Variants in RANBP2 observed in about 807,000 individuals in gnomAD.
RANBP2 encodes the protein E3 SUMO-protein ligase RanBP2.
RANBP2 carries 57 observed loss-of-function variants against 303.6 expected under a neutral mutation model. The ratio of observed to expected loss-of-function variants is 0.19; its 90% CI spans 0.15 to 0.23. The LOEUF (loss-of-function observed/expected upper bound fraction) is 0.23, where lower values mean the gene tolerates loss of function less well. Among genes scored for constraint, RANBP2 ranks in the 10% least tolerant of loss-of-function variants. The pLI is 1.00. For synonymous variants in RANBP2, 1,167 were observed against 1,301.5 expected (o/e 0.90, Z 2.23); for missense variants, 3,138 against 3,780.8 (o/e 0.83, Z 4.46).
At chr2:108,724,795 C>T (rs1360125813) in intron 1 of RANBP2, among the ~76,000 whole-genome samples, 2 of 151,650 alleles carry the variant, frequency 1.3e-5, no homozygotes, top group Non-Finnish European at 2.9e-5. Flanking sequence ...TAGACTTTTC[C>T]TCATTGTCCT....
the RANBP2 span, among the ~76,000 whole-genome samples, chr2:109,125,805 A>G: frequency 6.6e-6 from 1 of 152,250 alleles, no homozygotes; most frequent in South Asian, 2.1e-4. Flanking sequence ...ATAAGACTGT[A>G]TTTGTAATAC....
chr2:109,213,778 C>CTGTGG, the RANBP2 span, among the ~76,000 whole-genome samples: 6 of 152,220 alleles, frequency 3.9e-5, no homozygotes, highest in South Asian at 4.1e-4. Context: ...CGTGGTCTCA[C>CTGTGG]TGTGGTGTGG....
chr2:109,639,476 G>A, the RANBP2 span, among the ~76,000 whole-genome samples: 1 of 151,884 alleles, frequency 6.6e-6, no homozygotes, highest in African/African-American at 2.4e-5. Context: ...AAAATCAGCT[G>A]GGTGTGGTGA....
chr2:109,650,666 G>GT, the RANBP2 span, among the ~76,000 whole-genome samples: 1 of 152,116 alleles, frequency 6.6e-6, no homozygotes, highest in African/African-American at 2.4e-5. Flanking sequence ...AGCTTCCTCC[G>GT]TGCTGTTCTT....
chr2:108,728,040 T>C (rs1426856773), intron 1 of RANBP2, among the ~76,000 whole-genome samples: 4 of 152,182 alleles, frequency 2.6e-5, no homozygotes, highest in Admixed American at 2.6e-4. Flanking sequence ...ATCTGATCTG[T>C]AGAGAGAACA....
chr2:109,515,303 G>A, the RANBP2 span, among the ~76,000 whole-genome samples: 1 of 152,194 alleles, frequency 6.6e-6, no homozygotes, highest in South Asian at 2.1e-4. Flanking sequence ...GTTGAGGAGG[G>A]AGGGCCTACA....
the RANBP2 span, among the ~76,000 whole-genome samples, chr2:109,170,239 T>C: frequency 0.012 from 1,573 of 133,196 alleles, 55 homozygotes; most frequent in African/African-American, 0.041. Flanking sequence ...CTTCTCTTCT[T>C]TTCTTTTCTC....
At chr2:109,727,461 G>A in the RANBP2 span, among the ~76,000 whole-genome samples, 29 of 152,314 alleles carry the variant, frequency 1.9e-4, no homozygotes, top group African/African-American at 6.0e-4. Flanking sequence ...AGCCGAGTCC[G>A]TATCCTGGAA....
chr2:109,651,282 T>C, the RANBP2 span, among the ~76,000 whole-genome samples: 1 of 152,158 alleles, frequency 6.6e-6, no homozygotes. Context: ...GCTCATGGCA[T>C]CCTGTAGGGC....
At chr2:109,545,052 T>A in the RANBP2 span, 1 of 985,422 alleles carries the variant, frequency 1.0e-6, no homozygotes, top group Non-Finnish European at 1.2e-6. Context: ...GGTTATGTTT[T>A]CCTATTTTAA....
the RANBP2 span, among the ~76,000 whole-genome samples, chr2:109,118,054 C>T: frequency 6.6e-6 from 1 of 152,176 alleles, no homozygotes; most frequent in East Asian, 1.9e-4. Context: ...ATAATGGCGT[C>T]TGGTGAAGAT....
chr2:109,181,586 A>G, the RANBP2 span, among the ~76,000 whole-genome samples: 1 of 152,110 alleles, frequency 6.6e-6, no homozygotes, highest in Non-Finnish European at 1.5e-5. Context: ...ATTCCTCTTT[A>G]TTAAAAGTTA....
At chr2:109,538,040 C>A in the RANBP2 span, among the ~76,000 whole-genome samples, 2 of 152,236 alleles carry the variant, frequency 1.3e-5, no homozygotes, top group African/African-American at 4.8e-5. Flanking sequence ...TCACGCCTCA[C>A]TGGGCTAAAG....
the RANBP2 span, among the ~76,000 whole-genome samples, chr2:109,252,644 G>C: frequency 6.6e-6 from 1 of 152,180 alleles, no homozygotes; most frequent in African/African-American, 2.4e-5. Flanking sequence ...AGTTGAAAAC[G>C]CATGTAATAC....
the RANBP2 span, among the ~76,000 whole-genome samples, chr2:109,586,176 G>T: frequency 6.6e-6 from 1 of 152,026 alleles, no homozygotes; most frequent in Non-Finnish European, 1.5e-5. Context: ...TAAAAACTTA[G>T]AAAATTCTTA....
At chr2:109,042,381 T>C in the RANBP2 span, among the ~76,000 whole-genome samples, 2 of 152,246 alleles carry the variant, frequency 1.3e-5, no homozygotes, top group Admixed American at 6.5e-5. Flanking sequence ...TTATCTTGTT[T>C]CGGATTTGAA....
the RANBP2 span, chr2:109,585,763 T>C: frequency 1.9e-6 from 3 of 1,613,924 alleles, no homozygotes; most frequent in Admixed American, 3.3e-5. Flanking sequence ...TGAATGGATC[T>C]GTTCACCAGC....
At chr2:109,245,262 A>T in the RANBP2 span, among the ~76,000 whole-genome samples, 2 of 152,112 alleles carry the variant, frequency 1.3e-5, no homozygotes, top group Non-Finnish European at 2.9e-5. Flanking sequence ...CAGACCACAG[A>T]GACAGGAGTA....
intron 18 of RANBP2, among the ~76,000 whole-genome samples, chr2:108,758,836 A>G (rs556704465): frequency 6.6e-6 from 1 of 152,032 alleles, no homozygotes; most frequent in Non-Finnish European, 1.5e-5. Context: ...AAAAATGTTA[A>G]TGAATAGAGT....
Sources: allele counts gnomAD v4.1 joint callset (sites outside exome capture counted in the v4.1 genomes callset), GRCh38; gene constraint gnomAD v4.1.1; transcripts MANE v1.5; gene names NCBI Gene and HGNC (gene_info 2026-07-23, HGNC 2026-07-21).